Variants in SLC4A4 observed in about 807,000 individuals in gnomAD.
SLC4A4 encodes the protein electrogenic sodium bicarbonate cotransporter 1.
SLC4A4 carries 27 observed loss-of-function variants against 111.5 expected under a neutral mutation model. The ratio of observed to expected loss-of-function variants is 0.24; its 90% CI spans 0.18 to 0.33. The LOEUF is 0.33. Among genes scored for constraint, SLC4A4 ranks in the 10% least tolerant of loss-of-function variants. The pLI is 1.00. For missense variants in SLC4A4, 909 were observed against 1,315.5 expected, an observed-to-expected ratio of 0.69 and a Z score of 4.78; for synonymous variants, 443 against 463.4, an observed-to-expected ratio of 0.96 and a Z score of 0.57.
intron 7 of SLC4A4, among the ~76,000 whole-genome samples, chr4:71,412,547 T>C (rs1412495210): frequency 1.3e-5 from 2 of 152,210 alleles, no homozygotes; most frequent in African/African-American, 4.8e-5. Context: ...TTGTCACTAA[T>C]GTATATATGA....
intron 1 of SLC4A4, among the ~76,000 whole-genome samples, chr4:71,089,394 A>G (rs1028796426): frequency 1.3e-5 from 2 of 151,702 alleles, no homozygotes; most frequent in African/African-American, 4.9e-5. Context: ...TCTTCTCTCA[A>G]CTCGTCAAAG....
At chr4:71,437,101 C>T in intron 7 of SLC4A4, 1 of 447,920 alleles carries the variant, frequency 2.2e-6, no homozygotes, top group South Asian at 1.8e-5. Flanking sequence ...GACTTTTTCC[C>T]ACTGTTCAGG....
intron 8 of SLC4A4, among the ~76,000 whole-genome samples, chr4:71,443,106 CTCTCTCTCTCTATA>C (rs1416711086): frequency 7.9e-5 from 8 of 100,976 alleles, no homozygotes; most frequent in Middle Eastern, 4.4e-3. Flanking sequence ...CTCTCTCTCT[CTCTCTCTCTCTATA>C]TATATATATA....
chr4:71,140,532 T>C (rs926798074), intron 2 of SLC4A4, among the ~76,000 whole-genome samples: 1 of 152,212 alleles, frequency 6.6e-6, no homozygotes, highest in Non-Finnish European at 1.5e-5. Context: ...GAATTTCCAG[T>C]TGTATTCATC....
At chr4:71,387,026 T>G (rs1401316184) in intron 6 of SLC4A4, among the ~76,000 whole-genome samples, 1 of 152,214 alleles carries the variant, frequency 6.6e-6, no homozygotes, top group African/African-American at 2.4e-5. Context: ...AGCCCTGCAG[T>G]GTAAATGCTT....
chr4:71,561,610 T>C (rs906811395), intron 23 of SLC4A4, among the ~76,000 whole-genome samples: 1 of 151,500 alleles, frequency 6.6e-6, no homozygotes, highest in Non-Finnish European at 1.5e-5. Flanking sequence ...GAAAAAGAGG[T>C]GAAAAGAGCT....
chr4:71,487,967 T>G (rs188595216), intron 15 of SLC4A4, among the ~76,000 whole-genome samples: 6 of 151,716 alleles, frequency 4.0e-5, no homozygotes, highest in Admixed American at 2.6e-4. Flanking sequence ...TGAAAAAGTA[T>G]GTGTATATGT....
intron 3 of SLC4A4, among the ~76,000 whole-genome samples, chr4:71,276,607 A>C (rs1327023447): frequency 6.7e-6 from 1 of 149,800 alleles, no homozygotes; most frequent in African/African-American, 2.5e-5. Context: ...TCCCACTAGC[A>C]TAGTGCCCTT....
chr4:71,467,775 CT>C (rs1165828967), intron 13 of SLC4A4, among the ~76,000 whole-genome samples: 1 of 152,094 alleles, frequency 6.6e-6, no homozygotes, highest in Admixed American at 6.6e-5. Context: ...ATTCCAGCCT[CT>C]TTCTAATGTA....
intron 3 of SLC4A4, among the ~76,000 whole-genome samples, chr4:71,283,186 T>C (rs1723658542): frequency 6.6e-6 from 1 of 152,234 alleles, no homozygotes. Context: ...TGGAACATCA[T>C]TGAAACCTTC....
At position 71,497,700 on chromosome 4, in the gene SLC4A4, C is replaced by G. The variant is rs1418132859; in HGVS notation, c.2166+8C>G. 6 of 1,604,986 alleles carry G rather than the reference C, an allele frequency of 3.7e-6. No individual in the cohort carries two copies. The South Asian group carries it at 4.4e-5, about 12-fold the overall frequency. The stretch of plus-strand genomic sequence containing the variant: ...CCTTATTTTCCAACCACAGTAAGTA[C>G]CTGAACTTTAAATGATTTTCATTGG... On this transcript the variant is annotated splice_region_variant and intron_variant, in intron 16 of 25. Coordinates refer to ENST00000264485, the MANE Select transcript of SLC4A4 (RefSeq NM_001098484.3).
chr4:71,075,823 G>A (rs1335971766), intron 1 of SLC4A4, among the ~76,000 whole-genome samples: 1 of 151,976 alleles, frequency 6.6e-6, no homozygotes, highest in Non-Finnish European at 1.5e-5. Flanking sequence ...AATTAGCCAG[G>A]CATGGTGGTG....
At chr4:71,208,579 G>T (rs1040612233) in intron 1 of SLC4A4, among the ~76,000 whole-genome samples, 40 of 145,646 alleles carry the variant, frequency 2.7e-4, no homozygotes, top group African/African-American at 9.9e-4. Flanking sequence ...TATATTAAAA[G>T]GGGCCTACAT....
At chr4:71,178,894 A>C (rs1488392450) in intron 2 of SLC4A4, among the ~76,000 whole-genome samples, 1 of 152,214 alleles carries the variant, frequency 6.6e-6, no homozygotes, top group Non-Finnish European at 1.5e-5. Flanking sequence ...TGGCAGAGAC[A>C]CAACAAAAAA....
At chr4:71,455,533 G>A (rs1346696551) in intron 12 of SLC4A4, among the ~76,000 whole-genome samples, 2 of 152,060 alleles carry the variant, frequency 1.3e-5, no homozygotes, top group African/African-American at 4.8e-5. Flanking sequence ...AACACCCTAC[G>A]GCCAGCTTGA....
At chr4:71,410,904 A>C (rs1015718194) in intron 7 of SLC4A4, among the ~76,000 whole-genome samples, 3 of 152,120 alleles carry the variant, frequency 2.0e-5, no homozygotes, top group African/African-American at 7.2e-5. Context: ...GTGGTAGTGC[A>C]TTAATCATTA....
chr4:71,414,321 C>T (rs1721650749), intron 7 of SLC4A4, among the ~76,000 whole-genome samples: 1 of 152,176 alleles, frequency 6.6e-6, no homozygotes. Context: ...GAAGCACCAG[C>T]CCTGAGCTTT....
intron 3 of SLC4A4, among the ~76,000 whole-genome samples, chr4:71,296,850 G>T (rs949629002): frequency 3.3e-5 from 5 of 152,082 alleles, no homozygotes; most frequent in Admixed American, 1.3e-4. Flanking sequence ...TGTTGGCTAG[G>T]TGATAGAAAA....
chr4:71,338,153 G>A (rs1023918496), intron 3 of SLC4A4, among the ~76,000 whole-genome samples: 4 of 151,998 alleles, frequency 2.6e-5, no homozygotes, highest in Non-Finnish European at 4.4e-5. Context: ...ATTTTAATAG[G>A]TGAAACACAT....
Sources: allele counts gnomAD v4.1 joint callset (sites outside exome capture counted in the v4.1 genomes callset), GRCh38; gene constraint gnomAD v4.1.1; transcripts MANE v1.5; gene names NCBI Gene and HGNC (gene_info 2026-07-23, HGNC 2026-07-21).